Variants in SORCS1 observed in about 807,000 individuals in gnomAD.
SORCS1 encodes sortilin related VPS10 domain containing receptor 1.
A neutral mutation model predicts 146.1 loss-of-function variants in SORCS1; 60 were observed. The observed-to-expected ratio is 0.41, with a 90% CI of 0.33 to 0.51. The LOEUF is 0.51. SORCS1 is among the 20% of genes least tolerant of loss of function. SORCS1 has a pLI of 0.21. For synonymous variants in SORCS1, 637 were observed against 584.0 expected (o/e 1.09, Z -1.31); for missense variants, 1,352 against 1,487.6 (o/e 0.91, Z 1.50).
At chr10:106,973,748 T>C (rs1955885677) in intron 1 of SORCS1, among the ~76,000 whole-genome samples, 1 of 152,244 alleles carries the variant, frequency 6.6e-6, no homozygotes, top group Admixed American at 6.5e-5. Context: ...ATTTTGACAC[T>C]TACTACAGCA....
intron 17 of SORCS1, among the ~76,000 whole-genome samples, chr10:106,657,577 C>T (rs148475658): frequency 1.3e-5 from 2 of 150,864 alleles, no homozygotes; most frequent in East Asian, 1.9e-4. Context: ...TCCATGTAAC[C>T]GAAGACCACT....
chr10:106,604,561 A>G lies in SORCS1; in HGVS notation c.3165+2605T>C, dbSNP rs927469519. Among the ~76,000 whole-genome samples the G allele has an allele frequency of 2.4e-4, 36 of 152,180 alleles. 1 individual carries two copies. The highest frequency in any genetic ancestry group is 1.5e-4 in the Non-Finnish European group (10 of 68,034). On this transcript the variant is annotated intron_variant, in intron 23 of 25. Coordinates refer to ENST00000263054, the MANE Select transcript of SORCS1 (RefSeq NM_052918.5). The stretch of plus-strand genomic sequence containing the variant: ...GCTGATACACTGGCATTTTCCTTAA[A>G]CAAATTTACAGTCTCTAGCTTGGTA...
At chr10:106,679,997 AGCT>A (rs768581026) in intron 10 of SORCS1, among the ~76,000 whole-genome samples, 10 of 152,212 alleles carry the variant, frequency 6.6e-5, no homozygotes, top group Non-Finnish European at 1.0e-4. Context: ...GTCATTACAG[AGCT>A]TACAATTTAT....
chr10:106,634,238 G>A (rs1420573312), intron 18 of SORCS1, among the ~76,000 whole-genome samples: 1 of 152,156 alleles, frequency 6.6e-6, no homozygotes, highest in African/African-American at 2.4e-5. Flanking sequence ...CAACTCCGGC[G>A]GGGCTAGGAA....
chr10:107,038,313 A>T (rs1958993167), intron 1 of SORCS1, among the ~76,000 whole-genome samples: 1 of 149,268 alleles, frequency 6.7e-6, no homozygotes, highest in African/African-American at 2.4e-5. Flanking sequence ...CGTAGGGAGA[A>T]GCAGCTGAGA....
intron 1 of SORCS1, among the ~76,000 whole-genome samples, chr10:107,026,303 T>C (rs534251685): frequency 2.6e-5 from 4 of 152,284 alleles, no homozygotes; most frequent in African/African-American, 9.6e-5. Context: ...AAGCTTGTAG[T>C]AGAGGCTACT....
intron 1 of SORCS1, among the ~76,000 whole-genome samples, chr10:107,112,567 T>C (rs1247421018): frequency 6.6e-6 from 1 of 152,108 alleles, no homozygotes; most frequent in East Asian, 1.9e-4. Context: ...TGTAAATGAA[T>C]GTAACTCTCT....
chr10:106,669,503 A>T (rs891168881), intron 16 of SORCS1, among the ~76,000 whole-genome samples: 1 of 152,242 alleles, frequency 6.6e-6, no homozygotes, highest in African/African-American at 2.4e-5. Context: ...ACAGTAAACG[A>T]AGAAGCAGCA....
At chr10:106,727,784 G>A (rs1031438958) in intron 6 of SORCS1, among the ~76,000 whole-genome samples, 1 of 152,108 alleles carries the variant, frequency 6.6e-6, no homozygotes, top group East Asian at 1.9e-4. Context: ...AATTATGCTC[G>A]ATTGGTCAGG....
intron 2 of SORCS1, among the ~76,000 whole-genome samples, chr10:106,856,388 C>A (rs2137358962): frequency 6.6e-6 from 1 of 152,254 alleles, no homozygotes; most frequent in East Asian, 1.9e-4. Context: ...GTCTTTGCCC[C>A]TGGAATGTGA....
At chr10:106,795,590 C>A (rs1946516912) in intron 3 of SORCS1, among the ~76,000 whole-genome samples, 1 of 152,118 alleles carries the variant, frequency 6.6e-6, no homozygotes, top group Admixed American at 6.5e-5. Context: ...CTATAATGAT[C>A]CTTTCTGTTT....
chr10:106,737,812 A>G (rs1857070267), intron 5 of SORCS1, among the ~76,000 whole-genome samples: 1 of 152,224 alleles, frequency 6.6e-6, no homozygotes, highest in African/African-American at 2.4e-5. Context: ...CCAATGAGAT[A>G]CAGAGAAATG....
At chr10:106,636,998 A>T (rs1848765782) in intron 18 of SORCS1, among the ~76,000 whole-genome samples, 1 of 152,232 alleles carries the variant, frequency 6.6e-6, no homozygotes, top group South Asian at 2.1e-4. Context: ...GTGATGTAAG[A>T]TGATCCCAGT....
intron 2 of SORCS1, among the ~76,000 whole-genome samples, chr10:106,917,672 A>G (rs943771340): frequency 4.6e-5 from 7 of 152,196 alleles, no homozygotes; most frequent in Admixed American, 1.3e-4. Flanking sequence ...CAGATATCCT[A>G]TGTGGGCAAA....
chr10:106,868,188 C>G (rs1323819274), intron 2 of SORCS1, among the ~76,000 whole-genome samples: 1 of 151,962 alleles, frequency 6.6e-6, no homozygotes, highest in Non-Finnish European at 1.5e-5. Context: ...CAGGAGTACC[C>G]AGATTTATAA....
chr10:107,046,402 A>C (rs1158419730), intron 1 of SORCS1, among the ~76,000 whole-genome samples: 1 of 152,118 alleles, frequency 6.6e-6, no homozygotes. Flanking sequence ...AAATATATTT[A>C]ACATATTTAT....
chr10:106,779,186 A>C (rs188643429), intron 3 of SORCS1, among the ~76,000 whole-genome samples: 15 of 152,244 alleles, frequency 9.9e-5, no homozygotes, highest in African/African-American at 3.1e-4. Flanking sequence ...AAAACTCTCC[A>C]TCTGAGAATT....
At chr10:106,985,770 C>A (rs895662353) in intron 1 of SORCS1, among the ~76,000 whole-genome samples, 3 of 152,026 alleles carry the variant, frequency 2.0e-5, no homozygotes, top group Non-Finnish European at 4.4e-5. Flanking sequence ...CTCCTGACCT[C>A]ATGATCCTCC....
intron 1 of SORCS1, among the ~76,000 whole-genome samples, chr10:107,011,198 T>C (rs1957682481): frequency 6.6e-6 from 1 of 152,236 alleles, no homozygotes; most frequent in South Asian, 2.1e-4. Context: ...GCCCTCTTTC[T>C]TGGGTCTGTT....
Sources: allele counts gnomAD v4.1 joint callset (sites outside exome capture counted in the v4.1 genomes callset), GRCh38; gene constraint gnomAD v4.1.1; transcripts MANE v1.5; gene names NCBI Gene and HGNC (gene_info 2026-07-23, HGNC 2026-07-21).